Variants in DFFB observed in about 807,000 individuals in gnomAD.
DFFB encodes DNA fragmentation factor subunit beta.
Under a neutral mutation model 32.7 loss-of-function variants are expected in DFFB, and 29 were observed. The ratio of observed to expected loss-of-function variants is 0.89; its 90% CI spans 0.66 to 1.21. DFFB has a LOEUF of 1.21. Ranked by LOEUF, DFFB falls within the 50% of genes most tolerant of loss-of-function variation. DFFB has a pLI of 0.00. For synonymous variants in DFFB, 170 were observed against 177.1 expected (o/e 0.96, Z 0.32); for missense variants, 398 against 440.6 (o/e 0.90, Z 0.87).
Position 3,865,882 on chromosome 1 carries a change from G to A in DFFB, c.312G>A (p.Gln104=). ...EPQVGLIQAA[Q]QLLCDEQAPQ... ...AGGTGGGGCTCATCCAGGCCGCCCA[G>A]CAGCTGCTGTGTGATGAGCAGGCCC... The change falls in exon 3 of 7, where the codon CAG becomes CAA. Residue 104 remains glutamine (Q), a synonymous_variant. Coordinates refer to ENST00000378209, the MANE Select transcript of DFFB (RefSeq NM_004402.4). This position sits in a 1 kb window ranked among gnomAD's most constrained non-coding sequence, Gnocchi z 4.7. The A allele has an allele frequency of 6.2e-7, 1 of 1,614,054 alleles. No homozygotes were observed. Among genetic ancestry groups the A allele is most frequent in the Non-Finnish European group, 8.5e-7 (1 of 1,179,962 alleles).
intron 1 of DFFB, among the ~76,000 whole-genome samples, chr1:3,858,446 C>T (rs1047627748): frequency 5.3e-5 from 8 of 152,186 alleles, no homozygotes; most frequent in African/African-American, 1.9e-4. Flanking sequence ...CCCTCAGGAG[C>T]TCATTTAAAA....
chr1:3,870,105 G>C (rs1645081462), intron 5 of DFFB, among the ~76,000 whole-genome samples: 1 of 152,250 alleles, frequency 6.6e-6, no homozygotes, highest in African/African-American at 2.4e-5. Flanking sequence ...GCTGGTTACT[G>C]CTCATAGTTC....
chr1:3,859,222 C>A (rs190293169), intron 2 of DFFB, among the ~76,000 whole-genome samples: 1 of 151,880 alleles, frequency 6.6e-6, no homozygotes, highest in Non-Finnish European at 1.5e-5. Context: ...GGCTGAGCAC[C>A]CTTCTGGAAG....
At chr1:3,867,186 A>G (rs1645001489) in intron 3 of DFFB, among the ~76,000 whole-genome samples, 2 of 152,174 alleles carry the variant, frequency 1.3e-5, no homozygotes, top group Admixed American at 1.3e-4. Flanking sequence ...GTGAGCCACC[A>G]CGTTCAGCCA....
chr1:3,872,602 C>T (rs748118488), intron 6 of DFFB, 30 bp downstream of exon 6: 12 of 1,590,518 alleles, frequency 7.5e-6, no homozygotes, highest in African/African-American at 2.7e-5. Context: ...TTCAGACCCA[C>T]GAGTGCCTGC....
At chr1:3,869,459 G>T in intron 4 of DFFB, 146 bp from the exon 5 acceptor site, 1 of 787,916 alleles carries the variant, frequency 1.3e-6, no homozygotes, top group South Asian at 2.0e-5. Flanking sequence ...AGCAGTGGCC[G>T]AGAGGCCACG....
chr1:3,878,718 C>T (rs1645276519), intron 6 of DFFB, among the ~76,000 whole-genome samples: 1 of 152,214 alleles, frequency 6.6e-6, no homozygotes, highest in East Asian at 1.9e-4. Context: ...CGCTGTGACC[C>T]TCTGCGGTAT....
intron 6 of DFFB, among the ~76,000 whole-genome samples, chr1:3,879,102 A>G (rs12027139): frequency 0.14 from 22,005 of 152,132 alleles, 1,689 homozygotes; most frequent in South Asian, 0.17. Flanking sequence ...TGCCTTTTTA[A>G]TGGTAGTTTT....
At position 3,882,698 on chromosome 1, in the gene DFFB, A is replaced by G. The variant is rs144443627; in HGVS notation, c.783-809A>G. On this transcript the variant is annotated intron_variant, in intron 6 of 6. Coordinates refer to ENST00000378209, the MANE Select transcript of DFFB (RefSeq NM_004402.4). ...TTCTTAAACAGATACGCATATATGC[A>G]TATAACGGTATAAGATTAGGATTGG... Among the ~76,000 whole-genome samples the G allele has an allele frequency of 5.4e-4, 82 of 152,278 alleles. 1 individual carries two copies. The highest frequency in any genetic ancestry group is 2.0e-3 in the African/African-American group (81 of 41,534).
intron 1 of DFFB, among the ~76,000 whole-genome samples, chr1:3,858,159 G>A (rs1299373557): frequency 6.6e-6 from 1 of 152,198 alleles, no homozygotes; most frequent in Non-Finnish European, 1.5e-5. Flanking sequence ...TTTCTTTTTA[G>A]ACCAGTACTA....
rs544734224 is a variant in DFFB, at chr1:3,862,238, C to G, written c.241+3394C>G. Among the ~76,000 whole-genome samples, 8 of 152,260 alleles carry G rather than the reference C, an allele frequency of 5.3e-5. No homozygotes were observed. In the East Asian group the frequency reaches 1.3e-3, roughly 26 times the overall value. On this transcript the variant is annotated intron_variant, in intron 2 of 6. Transcript: ENST00000378209. ...AAGTTTTGAATAAATGGATTAACAT[C>G]CCATGTTCATGGATTGGAAAACTTA... is the stretch of plus-strand genomic sequence containing the variant.
At chr1:3,874,674 G>A (rs1395907609) in intron 6 of DFFB, among the ~76,000 whole-genome samples, 26 of 141,398 alleles carry the variant, frequency 1.8e-4, no homozygotes, top group African/African-American at 7.0e-4. Context: ...GAGCCGTGTA[G>A]CTGCACCTTT....
At chr1:3,859,632 G>A (rs1229686734) in intron 2 of DFFB, among the ~76,000 whole-genome samples, 3 of 152,210 alleles carry the variant, frequency 2.0e-5, no homozygotes, top group African/African-American at 7.2e-5. Flanking sequence ...TAACATCCAT[G>A]TGGCCACCTC....
At chr1:3,872,269 C>T (rs901977996) in intron 5 of DFFB, among the ~76,000 whole-genome samples, 1 of 152,106 alleles carries the variant, frequency 6.6e-6, no homozygotes, top group Non-Finnish European at 1.5e-5. Flanking sequence ...AAAAATTAGC[C>T]GGGCCTGATG....
intron 1 of DFFB, 151 bp downstream of exon 1, chr1:3,857,868 G>T: frequency 1.8e-6 from 1 of 563,874 alleles, no homozygotes; most frequent in South Asian, 2.4e-5. Context: ...CCGGGCCCCC[G>T]CAGCCTGGGG....
At chr1:3,857,863 C>T (rs542497524) in intron 1 of DFFB, 146 bp downstream of exon 1, 4 of 572,404 alleles carry the variant, frequency 7.0e-6, no homozygotes, top group East Asian at 3.4e-5. Context: ...GGACCCCGGG[C>T]CCCCGCAGCC....
At chr1:3,868,075 G>C (rs1374992726) in intron 4 of DFFB, 22 bp downstream of exon 4, 1 of 1,612,082 alleles carries the variant, frequency 6.2e-7, no homozygotes, top group South Asian at 1.1e-5. Context: ...TGAAGACCGG[G>C]TATGCTGGGC....
intron 6 of DFFB, 144 bp from the exon 7 acceptor site, chr1:3,883,363 C>T: frequency 1.3e-6 from 1 of 751,878 alleles, no homozygotes; most frequent in Non-Finnish European, 2.1e-6. Context: ...CTCTGCTCAA[C>T]AAACCTGGCC....
Position 3,869,715 on chromosome 1 carries a change from C to G in DFFB, c.621C>G (p.Phe207Leu), listed in dbSNP as rs780789759. The part of the protein sequence containing the change: ...LRSMQYNGSY[F>L]DRGAKGGSRL... The stretch of plus-strand genomic sequence containing the variant: ...CCATGCAGTACAATGGCAGCTACTT[C>G]GACAGAGGAGCCAAGGGCGGCAGCC... The change falls in exon 5 of 7, where the codon TTC becomes TTG. Residue 207 changes from phenylalanine to leucine, a missense_variant. Phe to Leu is a conservative substitution (Grantham distance 22, BLOSUM62 0). Coordinates refer to ENST00000378209, the MANE Select transcript of DFFB (RefSeq NM_004402.4). 1 of 1,612,050 alleles carries G rather than the reference C, an allele frequency of 6.2e-7. No homozygotes were observed. Among genetic ancestry groups the G allele is most frequent in the Non-Finnish European group, 8.5e-7 (1 of 1,179,098 alleles).
Sources: allele counts gnomAD v4.1 joint callset (sites outside exome capture counted in the v4.1 genomes callset), GRCh38; gene constraint gnomAD v4.1.1; non-coding constraint Gnocchi (gnomAD v3.1); transcripts MANE v1.5; gene names NCBI Gene and HGNC (gene_info 2026-07-23, HGNC 2026-07-21).